NID1: variants seen among roughly 807,000 people sequenced by gnomAD.
NID1 encodes nidogen-1.
Under a neutral mutation model 130.6 loss-of-function variants are expected in NID1, and 76 were observed. The ratio of observed to expected loss-of-function variants is 0.58; its 90% confidence interval spans 0.48 to 0.70. NID1 has a LOEUF of 0.70. Among genes scored for constraint, NID1 ranks in the 30% least tolerant of loss-of-function variants. The pLI, the probability that NID1 is intolerant of heterozygous loss-of-function variation, is 0.00. For synonymous variants in NID1, 665 were observed against 675.1 expected, an observed-to-expected ratio of 0.98 and a Z score of 0.23; for missense variants, 1,517 against 1,664.8, an observed-to-expected ratio of 0.91 and a Z score of 1.54.
intron 5 of NID1, 75 bp from the exon 6 acceptor site, chr1:236,032,727 C>A (rs1283268736): frequency 6.5e-7 from 1 of 1,549,344 alleles, no homozygotes; most frequent in Non-Finnish European, 8.7e-7. Flanking sequence ...ATATGTAGGA[C>A]CTGTACCTAT....
At chr1:236,047,607 C>T (rs1264869050) in intron 2 of NID1, among the ~76,000 whole-genome samples, 4 of 152,150 alleles carry the variant, frequency 2.6e-5, no homozygotes, top group Non-Finnish European at 5.9e-5. Context: ...TTGAACCACT[C>T]ACATGGTCCA....
chr1:235,993,065 G>A (rs984801324), intron 13 of NID1, among the ~76,000 whole-genome samples: 14 of 152,324 alleles, frequency 9.2e-5, no homozygotes, highest in African/African-American at 3.1e-4. Context: ...TGCCTCCGGT[G>A]ATGGTCTTAG....
chr1:235,987,754 A>T (rs973493852), intron 14 of NID1, among the ~76,000 whole-genome samples: 1 of 152,184 alleles, frequency 6.6e-6, no homozygotes, highest in Non-Finnish European at 1.5e-5. Context: ...CTCAGGAGGG[A>T]GGGTCTCAGG....
rs1657677682 is a variant in NID1 at position 235,989,785 on chromosome 1, A to G, written c.2928+1101T>C. Among the ~76,000 whole-genome samples, 3 of 152,270 alleles carry G rather than the reference A, an allele frequency of 2.0e-5. No individual in the cohort carries two copies. The South Asian group carries it at 6.2e-4, about 31-fold the overall frequency. On this transcript the variant is annotated intron_variant, in intron 14 of 19. Coordinates refer to ENST00000264187, the MANE Select transcript of NID1 (RefSeq NM_002508.3). ...GGCAGAAATTTGCATGAAGTGAGGC[A>G]GTGAACTGTGCAATTGTCAGGCAGG...
At chr1:236,022,805 G>A (rs1658803914) in intron 9 of NID1, among the ~76,000 whole-genome samples, 1 of 150,042 alleles carries the variant, frequency 6.7e-6, no homozygotes, top group African/African-American at 2.4e-5. Flanking sequence ...GCTCACACCT[G>A]TAATCCCAGC....
chr1:236,026,116 C>T lies in NID1; in HGVS notation c.1764G>A (p.Glu588=), dbSNP rs1397829837. 6.2e-7 allele frequency: 1 copy of T among 1,613,778 alleles called. No individual in the cohort carries two copies. Among genetic ancestry groups the T allele is most frequent in the Non-Finnish European group, 8.5e-7 (1 of 1,179,948 alleles). Reference sequence around the variant, plus strand: ...CTCGCTCGGGCTCAGTCACCGTGTACTCCCGGGTGGAGGAGGAAGTGATCA... The same window carrying T: ...CTCGCTCGGGCTCAGTCACCGTGTATTCCCGGGTGGAGGAGGAAGTGATCA... ...TSVITSSSTR[E]YTVTEPERDG... Residue 588 remains glutamate (E), a synonymous_variant, in exon 8 of 20, where the codon GAG becomes GAA. Coordinates refer to ENST00000264187, the MANE Select transcript of NID1 (RefSeq NM_002508.3).
chr1:236,039,859 T>C (rs1659396816), intron 4 of NID1, among the ~76,000 whole-genome samples: 1 of 152,118 alleles, frequency 6.6e-6, no homozygotes, highest in South Asian at 2.1e-4. Context: ...ACTCCAGCTG[T>C]GGGCAGAGCT....
intron 9 of NID1, among the ~76,000 whole-genome samples, chr1:236,019,410 A>G (rs571400420): frequency 4.4e-4 from 67 of 152,352 alleles, no homozygotes; most frequent in African/African-American, 1.5e-3. Context: ...AGCAGTTTTC[A>G]ATCAAGAAGA....
chr1:235,979,693 A>G lies in NID1; in HGVS notation c.3509+129T>C, dbSNP rs1447567734. 12 of 939,918 alleles carry G rather than the reference A, an allele frequency of 1.3e-5. No individual in the cohort carries two copies. Among genetic ancestry groups the G allele is most frequent in the Non-Finnish European group, 1.9e-5 (12 of 619,198 alleles). The allele number at this position is 939,918 out of a possible 1,614,324, so 58.2% of individuals were successfully genotyped here. ...ACCAGAAGGATAAGGGAGAGGGGAC[A>G]TCTCTAGAGGGGGCATTTCTGGAGG... On this transcript the variant is annotated intron_variant, in intron 18 of 19. Transcript: ENST00000264187. The surrounding 1 kb of genome is among the most constrained non-coding windows in gnomAD (Gnocchi z 4.6).
chr1:236,050,678 A>G (rs1177985246), intron 1 of NID1, among the ~76,000 whole-genome samples: 1 of 152,210 alleles, frequency 6.6e-6, no homozygotes, highest in African/African-American at 2.4e-5. Context: ...CAGGCTCACC[A>G]GTGAAGTCTA....
intron 3 of NID1, among the ~76,000 whole-genome samples, chr1:236,043,597 G>A (rs536007065): frequency 6.6e-6 from 1 of 152,088 alleles, no homozygotes; most frequent in African/African-American, 2.4e-5. Context: ...AGGAGATCGA[G>A]ACCATCCTGG....
intron 12 of NID1, among the ~76,000 whole-genome samples, chr1:236,011,368 T>C (rs918417529): frequency 3.3e-5 from 5 of 149,484 alleles, no homozygotes; most frequent in Non-Finnish European, 7.4e-5. Context: ...AGTGGCTCAA[T>C]TGCAGCTCAC....
At chr1:235,980,751 T>C (rs1657415355) in intron 16 of NID1, 98 bp from the exon 17 acceptor site, 1 of 1,257,594 alleles carries the variant, frequency 8.0e-7, no homozygotes, top group Non-Finnish European at 1.1e-6. Flanking sequence ...AATGAAGTGA[T>C]TGGCAGACAT....
chr1:236,061,529 G>A (rs1163348524), intron 1 of NID1, among the ~76,000 whole-genome samples: 1 of 151,870 alleles, frequency 6.6e-6, no homozygotes, highest in Admixed American at 6.6e-5. Flanking sequence ...GCAATGGCGC[G>A]ATCTTGGCTT....
At chr1:236,038,846 ACCTATG>A (rs1339088141) in intron 4 of NID1, among the ~76,000 whole-genome samples, 9 of 133,366 alleles carry the variant, frequency 6.7e-5, no homozygotes, top group African/African-American at 2.7e-4. Flanking sequence ...AATAAATATT[ACCTATG>A]TTATATAGGT....
chr1:236,017,380 C>G, intron 9 of NID1, 107 bp from the exon 10 acceptor site: 1 of 1,272,464 alleles, frequency 7.9e-7, no homozygotes, highest in Non-Finnish European at 1.1e-6. Flanking sequence ...AATTTTAAAA[C>G]AAAATTTTCT....
chr1:235,995,388 C>T (rs541440233), intron 12 of NID1, among the ~76,000 whole-genome samples: 2 of 152,270 alleles, frequency 1.3e-5, no homozygotes, highest in East Asian at 1.9e-4. Flanking sequence ...ACCAATGCCC[C>T]GTGGATACTG....
chr1:236,051,464 G>T (rs987269140), intron 1 of NID1, among the ~76,000 whole-genome samples: 2 of 152,168 alleles, frequency 1.3e-5, no homozygotes, highest in East Asian at 1.9e-4. Context: ...TGGAACCAGG[G>T]CTCTGGGAGT....
At chr1:235,998,307 A>G (rs903728710) in intron 12 of NID1, among the ~76,000 whole-genome samples, 2 of 152,158 alleles carry the variant, frequency 1.3e-5, no homozygotes, top group African/African-American at 4.8e-5. Flanking sequence ...GAGGCTAATT[A>G]ATATAAAAAA....
Sources: gnomAD v4.1 joint callset for allele counts (sites outside exome capture counted in the v4.1 genomes callset) on GRCh38, gnomAD v4.1.1 for gene constraint, Gnocchi (gnomAD v3.1) non-coding constraint, MANE v1.5 for transcripts, NCBI Gene and HGNC (gene_info 2026-07-23, HGNC 2026-07-21) for gene names.